Variants in MTUS2 observed in about 807,000 individuals in gnomAD.
MTUS2 encodes the protein microtubule associated scaffold protein 2.
A neutral mutation model predicts 114.1 loss-of-function variants in MTUS2; 40 were observed. The observed-to-expected ratio is 0.35, with a 90% CI of 0.27 to 0.46. The LOEUF (loss-of-function observed/expected upper bound fraction) is 0.46, where lower values mean the gene tolerates loss of function less well. Ranked by LOEUF, MTUS2 falls within the 20% of genes least tolerant of loss-of-function variation. The pLI is 1.00. For synonymous variants in MTUS2, 688 were observed against 672.0 expected (o/e 1.02, Z -0.37); for missense variants, 1,679 against 1,705.4 (o/e 0.98, Z 0.27).
At chr13:28,993,005 C>T (rs183906379) in intron 2 of MTUS2, among the ~76,000 whole-genome samples, 1 of 152,288 alleles carries the variant, frequency 6.6e-6, no homozygotes, top group Admixed American at 6.5e-5. Context: ...TGTGTTTTTT[C>T]ATTGATCTTT....
At position 29,025,335 on chromosome 13, in the gene MTUS2, G is replaced by T; in HGVS notation, c.637G>T (p.Gly213Trp). ...AGCACGGGGTCAGATACCTGGGGGT[G>T]GGGAGGGGCCACAGAAGACATTGCC... ...REARGQIPGG[G>W]EGPQKTLPDH... The change falls in exon 3 of 16, where the codon GGG becomes TGG. Residue 213 changes from glycine (G) to tryptophan (W), a missense_variant. Around this residue, in one of 3 missense-constraint regions of MTUS2, gnomAD observed 843 missense variants for 770.8 expected, o/e 1.09. Coordinates refer to ENST00000612955, the MANE Select transcript of MTUS2 (RefSeq NM_001033602.4). 1 of 1,613,808 alleles carries T rather than the reference G, an allele frequency of 6.2e-7. No individual in the cohort carries two copies. The highest frequency in any genetic ancestry group is 8.5e-7 in the Non-Finnish European group (1 of 1,179,876).
intron 9 of MTUS2, among the ~76,000 whole-genome samples, chr13:29,465,888 C>T (rs140630723): frequency 6.6e-6 from 1 of 152,368 alleles, no homozygotes; most frequent in East Asian, 1.9e-4. Flanking sequence ...AGTCTGCCTG[C>T]TGGCAGGAAG....
At chr13:29,389,344 CGTGT>C (rs10538350) in intron 8 of MTUS2, among the ~76,000 whole-genome samples, 3 of 56,002 alleles carry the variant, frequency 5.4e-5, no homozygotes, top group African/African-American at 2.7e-4. Context: ...TATGTATGCA[CGTGT>C]GTGTATATAT....
intron 7 of MTUS2, among the ~76,000 whole-genome samples, chr13:29,340,090 T>G (rs558238911): frequency 6.6e-6 from 1 of 152,344 alleles, no homozygotes; most frequent in South Asian, 2.1e-4. Context: ...GCTGGCACCC[T>G]CTGGCCATAG....
At chr13:29,155,062 A>G (rs957577776) in intron 5 of MTUS2, among the ~76,000 whole-genome samples, 2 of 152,214 alleles carry the variant, frequency 1.3e-5, no homozygotes, top group African/African-American at 4.8e-5. Context: ...ACCCAGACCT[A>G]GTTTTTAACG....
At chr13:29,066,009 A>G (rs943702923) in intron 4 of MTUS2, among the ~76,000 whole-genome samples, 1 of 151,398 alleles carries the variant, frequency 6.6e-6, no homozygotes, top group Non-Finnish European at 1.5e-5. Context: ...CTCACTACGC[A>G]TAACCCACAG....
intron 5 of MTUS2, among the ~76,000 whole-genome samples, chr13:29,277,895 T>C (rs1419466897): frequency 6.6e-6 from 1 of 152,204 alleles, no homozygotes; most frequent in African/African-American, 2.4e-5. Context: ...AAGGAGAGCA[T>C]GCAAGGCAGC....
chr13:29,305,536 G>C lies in MTUS2; in HGVS notation c.2807-19077G>C, dbSNP rs530860694. Reference sequence around the variant, plus strand: ...CGAGGCACATAAACTAGAAAATCTAGAAGAAATGAATAAATTCTTGGGTGC... The same window carrying C: ...CGAGGCACATAAACTAGAAAATCTACAAGAAATGAATAAATTCTTGGGTGC... On this transcript the variant is annotated intron_variant, in intron 6 of 15. Transcript: ENST00000612955. Among the ~76,000 whole-genome samples, 7 of 152,156 alleles carry C rather than the reference G, an allele frequency of 4.6e-5. No homozygotes were observed. The South Asian group carries it at 1.5e-3, about 32-fold the overall frequency.
At chr13:29,425,059 A>T (rs1876407585) in intron 8 of MTUS2, among the ~76,000 whole-genome samples, 1 of 152,196 alleles carries the variant, frequency 6.6e-6, no homozygotes, top group South Asian at 2.1e-4. Flanking sequence ...AAATGTTCAT[A>T]ATTTTTAGCA....
chr13:28,890,814 A>G (rs1161656569), intron 2 of MTUS2, among the ~76,000 whole-genome samples: 4 of 152,136 alleles, frequency 2.6e-5, no homozygotes, highest in South Asian at 2.1e-4. Context: ...ATTGTTGCCT[A>G]CATTGCCCTA....
Position 29,013,539 on chromosome 13 carries a change from AT to A in MTUS2, c.-242-10911del, listed in dbSNP as rs376069649. On this transcript the variant is annotated intron_variant, in intron 2 of 15. Transcript: ENST00000612955. ...TTTTACCCTCTTTCCTTATGAAATC[AT>A]TTTTTTAGAGCAAACAGTGTTTGAC... 4.4e-3 allele frequency among the ~76,000 whole-genome samples: 676 copies of A among 152,324 alleles called. 7 individuals carry two copies. Among genetic ancestry groups the A allele is most frequent in the African/African-American group, 0.015 (628 of 41,570 alleles).
chr13:29,040,015 G>A (rs1172631380), intron 4 of MTUS2, among the ~76,000 whole-genome samples: 1 of 152,076 alleles, frequency 6.6e-6, no homozygotes, highest in African/African-American at 2.4e-5. Flanking sequence ...GTGATGTTTG[G>A]TTATATGTAT....
At chr13:28,956,903 G>C (rs1005160301) in intron 2 of MTUS2, among the ~76,000 whole-genome samples, 4 of 150,924 alleles carry the variant, frequency 2.7e-5, no homozygotes, top group Admixed American at 1.3e-4. Context: ...ACAGAGGGAA[G>C]AAGGCTGCCC....
chr13:29,187,300 A>C (rs1291449002), intron 5 of MTUS2, among the ~76,000 whole-genome samples: 1 of 152,196 alleles, frequency 6.6e-6, no homozygotes, highest in Non-Finnish European at 1.5e-5. Context: ...ATAGAAAATG[A>C]AACCAAAAGT....
intron 6 of MTUS2, among the ~76,000 whole-genome samples, chr13:29,305,429 TAAAC>T (rs1309359249): frequency 1.3e-5 from 2 of 151,794 alleles, no homozygotes; most frequent in African/African-American, 2.4e-5. Flanking sequence ...AAGACTCAAA[TAAAC>T]AATCAGAAAT....
intron 3 of MTUS2, among the ~76,000 whole-genome samples, chr13:29,033,016 A>G (rs1343592137): frequency 6.6e-6 from 1 of 152,218 alleles, no homozygotes; most frequent in Non-Finnish European, 1.5e-5. Context: ...TGCATATATA[A>G]AAGGTACTGC....
At chr13:29,448,036 G>A (rs937517358) in intron 9 of MTUS2, among the ~76,000 whole-genome samples, 6 of 152,080 alleles carry the variant, frequency 3.9e-5, no homozygotes, top group South Asian at 2.1e-4. Context: ...GAGATCATAT[G>A]CCTCAAGTTT....
At chr13:28,868,785 G>A (rs1224815561) in intron 2 of MTUS2, among the ~76,000 whole-genome samples, 1 of 152,154 alleles carries the variant, frequency 6.6e-6, no homozygotes, top group East Asian at 1.9e-4. Context: ...CTTTAGAAAT[G>A]GAATAAATTC....
intron 6 of MTUS2, among the ~76,000 whole-genome samples, chr13:29,304,060 T>G (rs1416175156): frequency 6.6e-6 from 1 of 152,090 alleles, no homozygotes; most frequent in Non-Finnish European, 1.5e-5. Context: ...GAAGGAGAAC[T>G]AAGATCCTTT....
Sources: gnomAD v4.1 joint callset for allele counts (sites outside exome capture counted in the v4.1 genomes callset) on GRCh38, gnomAD v4.1.1 for gene constraint, gnomAD v4.1.1 regional missense constraint, MANE v1.5 for transcripts, NCBI Gene and HGNC (gene_info 2026-07-23, HGNC 2026-07-21) for gene names.